GRIN2A: variants seen among roughly 807,000 people sequenced by gnomAD.
The protein encoded by GRIN2A is glutamate ionotropic receptor NMDA type subunit 2A.
A neutral mutation model predicts 113.4 loss-of-function variants in GRIN2A; 22 were observed. The ratio of observed to expected loss-of-function variants is 0.19; its 90% CI spans 0.14 to 0.28. The LOEUF (loss-of-function observed/expected upper bound fraction) is 0.28. GRIN2A is among the 10% of genes least tolerant of loss of function. The pLI is 1.00. For synonymous variants in GRIN2A, 827 were observed against 738.4 expected (o/e 1.12, Z -1.94); for missense variants, 1,502 against 1,887.0 (o/e 0.80, Z 3.78).
chr16:10,115,212 T>C (rs913024818), intron 2 of GRIN2A, among the ~76,000 whole-genome samples: 1 of 151,418 alleles, frequency 6.6e-6, no homozygotes, highest in Non-Finnish European at 1.5e-5. Context: ...TGTTGACCAC[T>C]CTTTTGCATG....
chr16:10,091,341 G>C (rs1021377618), intron 2 of GRIN2A, among the ~76,000 whole-genome samples: 1 of 152,084 alleles, frequency 6.6e-6, no homozygotes, highest in Non-Finnish European at 1.5e-5. Context: ...GGGCGCAGTG[G>C]ATCACATCTA....
intron 2 of GRIN2A, among the ~76,000 whole-genome samples, chr16:10,150,244 C>T (rs918545627): frequency 6.6e-6 from 1 of 152,134 alleles, no homozygotes; most frequent in African/African-American, 2.4e-5. Flanking sequence ...TTAATAATTC[C>T]CCCTTTTGAT....
intron 8 of GRIN2A, 138 bp downstream of exon 8, chr16:9,833,967 T>A: frequency 1.2e-6 from 1 of 829,134 alleles, no homozygotes; most frequent in South Asian, 1.4e-5. Context: ...TCCACCCACC[T>A]CGGTCTCCCA....
chr16:9,939,441 C>A lies in GRIN2A; in HGVS notation c.415-890G>T, dbSNP rs1231391737. On this transcript the variant is annotated intron_variant, in intron 2 of 12. Coordinates refer to ENST00000330684, the MANE Select transcript of GRIN2A (RefSeq NM_001134407.3). Reference sequence around the variant, plus strand: ...GCATAAGGGAGAGTCACTGAATGCTCTCACCCTAGAAAGTGGCATGGTAAC... The same window carrying A: ...GCATAAGGGAGAGTCACTGAATGCTATCACCCTAGAAAGTGGCATGGTAAC... Among the ~76,000 whole-genome samples, 4 of 152,156 alleles carry A rather than the reference C, an allele frequency of 2.6e-5. No individual in the cohort carries two copies. In the East Asian group the frequency reaches 7.7e-4, roughly 29 times the overall value.
chr16:9,897,892 C>A (rs2043838075), intron 3 of GRIN2A, among the ~76,000 whole-genome samples: 1 of 152,028 alleles, frequency 6.6e-6, no homozygotes, highest in Admixed American at 6.6e-5. Context: ...AGGGTGTGCG[C>A]CACAGAGCTG....
At chr16:9,799,321 C>T (rs1483694823) in intron 10 of GRIN2A, among the ~76,000 whole-genome samples, 1 of 152,146 alleles carries the variant, frequency 6.6e-6, no homozygotes, top group Non-Finnish European at 1.5e-5. Context: ...GGGAGAACGC[C>T]ATATGAAGAC....
At chr16:10,160,883 C>T (rs1191682956) in intron 2 of GRIN2A, among the ~76,000 whole-genome samples, 4 of 152,178 alleles carry the variant, frequency 2.6e-5, no homozygotes, top group South Asian at 2.1e-4. Context: ...GGAAGAATTT[C>T]GCAGAGGCAC....
chr16:10,179,735 A>T, intron 2 of GRIN2A: 1 of 529,170 alleles, frequency 1.9e-6, no homozygotes, highest in Non-Finnish European at 3.4e-6. Context: ...CCTACTTCTC[A>T]GTTTTCTGAG....
At chr16:9,860,851 A>G (rs988598501) in intron 4 of GRIN2A, among the ~76,000 whole-genome samples, 13 of 152,168 alleles carry the variant, frequency 8.5e-5, no homozygotes, top group Non-Finnish European at 1.9e-4. Flanking sequence ...TTCCTCAACC[A>G]CGTGATCCAT....
chr16:9,792,169 C>G (rs113103808), intron 11 of GRIN2A, among the ~76,000 whole-genome samples: 3 of 151,952 alleles, frequency 2.0e-5, no homozygotes, highest in Admixed American at 6.6e-5. Flanking sequence ...GGGTCACTCA[C>G]TAGTTTTAAA....
At chr16:10,117,688 G>A (rs373359764) in intron 2 of GRIN2A, among the ~76,000 whole-genome samples, 23 of 152,250 alleles carry the variant, frequency 1.5e-4, no homozygotes, top group African/African-American at 5.5e-4. Flanking sequence ...CTCTGCACCA[G>A]GAGGAATCTC....
chr16:10,174,181 A>G (rs1398013739), intron 2 of GRIN2A, among the ~76,000 whole-genome samples: 2 of 152,210 alleles, frequency 1.3e-5, no homozygotes, highest in Admixed American at 6.5e-5. Context: ...TCAGGCTGCT[A>G]GCTGTGGATG....
intron 11 of GRIN2A, among the ~76,000 whole-genome samples, chr16:9,795,776 C>A (rs1183291073): frequency 6.6e-6 from 1 of 152,206 alleles, no homozygotes. Context: ...AAAAAGATCA[C>A]TTCTTTCATA....
chr16:9,927,302 G>C (rs971497866), intron 3 of GRIN2A, among the ~76,000 whole-genome samples: 2 of 152,196 alleles, frequency 1.3e-5, no homozygotes, highest in African/African-American at 4.8e-5. Context: ...TGGGTCAGGA[G>C]TTTGGAGTTA....
At chr16:10,030,451 T>A (rs2046907766) in intron 2 of GRIN2A, among the ~76,000 whole-genome samples, 1 of 152,076 alleles carries the variant, frequency 6.6e-6, no homozygotes. Context: ...ACCCCTGCTA[T>A]GGGGATGAGG....
At chr16:10,081,328 T>C (rs185598915) in intron 2 of GRIN2A, among the ~76,000 whole-genome samples, 1 of 152,334 alleles carries the variant, frequency 6.6e-6, no homozygotes, top group Admixed American at 6.5e-5. Context: ...ATGAAGCTAT[T>C]GCGAAGTCAG....
At chr16:9,916,529 A>G (rs1729515939) in intron 3 of GRIN2A, among the ~76,000 whole-genome samples, 1 of 152,218 alleles carries the variant, frequency 6.6e-6, no homozygotes, top group Non-Finnish European at 1.5e-5. Context: ...CACAACTCTC[A>G]GAGCCACAGC....
chr16:9,982,541 T>G (rs550933432), intron 2 of GRIN2A, among the ~76,000 whole-genome samples: 80 of 152,354 alleles, frequency 5.3e-4, no homozygotes, highest in African/African-American at 1.8e-3. Context: ...AAACGCATGC[T>G]TCTTCCCCCA....
intron 3 of GRIN2A, among the ~76,000 whole-genome samples, chr16:9,930,761 A>G (rs1009792312): frequency 1.3e-5 from 2 of 152,260 alleles, no homozygotes; most frequent in African/African-American, 4.8e-5. Flanking sequence ...TCTGATTACT[A>G]AATAAAAATA....
Sources: gnomAD v4.1 joint callset for allele counts (sites outside exome capture counted in the v4.1 genomes callset) on GRCh38, gnomAD v4.1.1 for gene constraint, MANE v1.5 for transcripts, NCBI Gene and HGNC (gene_info 2026-07-23, HGNC 2026-07-21) for gene names.